PHEX: variants seen among roughly 807,000 people sequenced by gnomAD.
PHEX encodes the protein phosphate-regulating neutral endopeptidase PHEX.
Under a neutral mutation model 68.0 loss-of-function variants are expected in PHEX, and 16 were observed. The ratio of observed to expected loss-of-function variants is 0.24; its 90% CI spans 0.16 to 0.36. PHEX has a LOEUF of 0.36. Ranked by LOEUF, PHEX falls within the 10% of genes least tolerant of loss-of-function variation. The pLI, the probability that PHEX is intolerant of heterozygous loss-of-function variation, is 1.00. For missense variants in PHEX, 480 were observed against 575.5 expected, an observed-to-expected ratio of 0.83 and a Z score of 1.70; for synonymous variants, 208 against 205.1, an observed-to-expected ratio of 1.01 and a Z score of -0.12.
At chrX:22,242,985 CAAG>C (rs1936274084) in intron 20 of PHEX, among the ~76,000 whole-genome samples, 2 of 111,674 alleles carry the variant, frequency 1.8e-5, no homozygotes, top group African/African-American at 6.5e-5. Context: ...CAGTCCTGGG[CAAG>C]AAGAACAAAG....
intron 12 of PHEX, among the ~76,000 whole-genome samples, chrX:22,135,282 A>G (rs1179419440): frequency 1.8e-5 from 2 of 112,376 alleles, no homozygotes; most frequent in African/African-American, 3.2e-5. Context: ...TCCAGATGGT[A>G]GACAACTTTC....
chrX:22,167,120 T>C (rs1933351686), intron 12 of PHEX, among the ~76,000 whole-genome samples: 1 of 112,181 alleles, frequency 8.9e-6, no homozygotes, highest in South Asian at 3.7e-4. Flanking sequence ...GGAGGCACTC[T>C]CTTTAGCGTA....
chrX:22,224,851 T>TAAGA (rs954730542), intron 18 of PHEX, among the ~76,000 whole-genome samples: 3 of 53,111 alleles, frequency 5.6e-5, no homozygotes, highest in African/African-American at 2.7e-4. Flanking sequence ...AAAGTGTTGG[T>TAAGA]AAGATCCATG....
rs772619185 is a variant in PHEX, at chrX:22,079,741, A to G, written c.663+2039A>G. On this transcript the variant is annotated intron_variant, in intron 5 of 21. Transcript: ENST00000379374. The stretch of plus-strand genomic sequence containing the variant: ...ATTTATTTGTTGAAGAAACTGGAGT[A>G]TTTGTCCTGTAAACTGTCTTACATT... 2.7e-5 allele frequency among the ~76,000 whole-genome samples: 3 copies of G among 111,731 alleles called. No individual in the cohort carries two copies. The East Asian group carries it at 8.4e-4, about 31-fold the overall frequency.
At chrX:22,079,041 G>A (rs1391873359) in intron 5 of PHEX, among the ~76,000 whole-genome samples, 1 of 111,680 alleles carries the variant, frequency 9.0e-6, no homozygotes, top group Non-Finnish European at 1.9e-5. Context: ...TTTGAAACTA[G>A]GTTTTAAGAC....
intron 12 of PHEX, among the ~76,000 whole-genome samples, chrX:22,159,832 C>T (rs1223200208): frequency 8.9e-6 from 1 of 111,924 alleles, no homozygotes; most frequent in Non-Finnish European, 1.9e-5. Flanking sequence ...AATACTTCTC[C>T]CAACTCTCTA....
chrX:22,214,142 C>G, intron 16 of PHEX, among the ~76,000 whole-genome samples: 1 of 112,087 alleles, frequency 8.9e-6, no homozygotes, highest in East Asian at 2.8e-4. Context: ...GGGCTACTTT[C>G]CTTTCTGGAA....
At chrX:22,147,582 A>G (rs1932752251) in intron 12 of PHEX, among the ~76,000 whole-genome samples, 1 of 110,096 alleles carries the variant, frequency 9.1e-6, no homozygotes, top group Non-Finnish European at 1.9e-5. Flanking sequence ...ATAGCTGGGT[A>G]AAGGCAAGCA....
At chrX:22,159,611 A>G (rs1343596001) in intron 12 of PHEX, among the ~76,000 whole-genome samples, 2 of 112,776 alleles carry the variant, frequency 1.8e-5, no homozygotes, top group African/African-American at 6.4e-5. Context: ...TTCAGTGTCT[A>G]TAAAGTTTTA....
chrX:22,198,889 A>G (rs750305374), intron 15 of PHEX, among the ~76,000 whole-genome samples: 5 of 111,919 alleles, frequency 4.5e-5, no homozygotes, highest in Non-Finnish European at 1.9e-5. Flanking sequence ...ACAGTTCCAC[A>G]TGGCTGGGAG....
At chrX:22,104,894 T>C (rs1049432361) in intron 9 of PHEX, among the ~76,000 whole-genome samples, 5 of 112,527 alleles carry the variant, frequency 4.4e-5, no homozygotes, top group Non-Finnish European at 9.4e-5. Flanking sequence ...TTTTGTTTTT[T>C]AGCAGACTGG....
chrX:22,207,350 A>C (rs1488925457), intron 15 of PHEX, among the ~76,000 whole-genome samples: 3 of 112,585 alleles, frequency 2.7e-5, no homozygotes, highest in Non-Finnish European at 5.6e-5. Flanking sequence ...GGTGTTAACA[A>C]ATGCAAGAAC....
intron 13 of PHEX, among the ~76,000 whole-genome samples, chrX:22,177,819 T>G (rs1005547427): frequency 1.8e-5 from 2 of 112,008 alleles, no homozygotes; most frequent in African/African-American, 6.5e-5. Flanking sequence ...TTTGACTAAA[T>G]CATTGTCTAT....
At chrX:22,145,123 G>A (rs370842470) in intron 12 of PHEX, among the ~76,000 whole-genome samples, 3 of 112,004 alleles carry the variant, frequency 2.7e-5, no homozygotes, top group African/African-American at 9.7e-5. Context: ...GCAAAGCGAA[G>A]GGCGATCCGT....
intron 17 of PHEX, among the ~76,000 whole-genome samples, chrX:22,219,870 G>C (rs1271901802): frequency 8.9e-6 from 1 of 111,760 alleles, no homozygotes; most frequent in Non-Finnish European, 1.9e-5. Flanking sequence ...GCCCACCTCA[G>C]CTTCCCAAAG....
At chrX:22,143,936 G>C (rs757993540) in intron 12 of PHEX, among the ~76,000 whole-genome samples, 2 of 112,147 alleles carry the variant, frequency 1.8e-5, no homozygotes, top group African/African-American at 6.5e-5. Flanking sequence ...TGTAGGGAAA[G>C]AAGTATGTCT....
intron 11 of PHEX, among the ~76,000 whole-genome samples, chrX:22,128,516 C>T (rs1392129119): frequency 1.8e-5 from 2 of 110,846 alleles, no homozygotes; most frequent in African/African-American, 6.6e-5. Flanking sequence ...GCCACATACT[C>T]CATAAAAATA....
At chrX:22,067,045 A>G (rs1303314970) in intron 3 of PHEX, among the ~76,000 whole-genome samples, 1 of 110,196 alleles carries the variant, frequency 9.1e-6, no homozygotes, top group East Asian at 2.9e-4. Context: ...GGAGTTCAAG[A>G]CCAGCCTGGG....
rs1189642220 is a variant in PHEX at position 22,186,124 on chromosome X, T to C, written c.1587-4320T>C. ...CTAGAGTCATATGGAAGGCTACCTCTCTCACATGTCTAATGGTTGATGCTG... is the reference window on the plus strand; with the variant it reads ...CTAGAGTCATATGGAAGGCTACCTCCCTCACATGTCTAATGGTTGATGCTG... On this transcript the variant is annotated intron_variant, in intron 14 of 21. Transcript: ENST00000379374. 4.0e-4 allele frequency among the ~76,000 whole-genome samples: 45 copies of C among 111,756 alleles called. 2 individuals are homozygous for C. Among genetic ancestry groups the C allele is most frequent in the Non-Finnish European group, 1.9e-5 (1 of 53,168 alleles).
Sources: gnomAD v4.1 joint callset for allele counts (sites outside exome capture counted in the v4.1 genomes callset) on GRCh38, gnomAD v4.1.1 for gene constraint, MANE v1.5 for transcripts, NCBI Gene and HGNC (gene_info 2026-07-23, HGNC 2026-07-21) for gene names.